The following AGMO variants were observed in gnomAD, a reference collection of about 807,000 sequenced individuals.
AGMO encodes the protein glyceryl-ether monooxygenase.
A neutral mutation model predicts 60.2 loss-of-function variants in AGMO; 75 were observed. The observed-to-expected ratio is 1.25, with a 90% confidence interval of 1.03 to 1.51. The LOEUF (loss-of-function observed/expected upper bound fraction) is 1.51, where lower values mean the gene tolerates loss of function less well. Ranked by LOEUF, AGMO falls within the 40% of genes most tolerant of loss-of-function variation. The probability of loss-of-function intolerance (pLI) is 0.00; values close to 1 mark genes in which losing one functional copy is unlikely to be tolerated. For synonymous variants in AGMO, 261 were observed against 177.1 expected (o/e 1.47, Z -3.76); for missense variants, 763 against 525.5 (o/e 1.45, Z -4.42).
At chr7:15,544,650 T>C (rs937805761) in intron 3 of AGMO, 122 bp downstream of exon 3, 1 of 860,746 alleles carries the variant, frequency 1.2e-6, no homozygotes, top group East Asian at 3.2e-5. Context: ...TTAATTTTTA[T>C]ATCCGTAAAA....
chr7:15,547,911 T>G (rs987985930), intron 2 of AGMO, among the ~76,000 whole-genome samples: 25 of 152,218 alleles, frequency 1.6e-4, no homozygotes, highest in African/African-American at 5.5e-4. Flanking sequence ...GACTTAAATG[T>G]CCCTGTCTGA....
chr7:15,507,583 A>C (rs967871156), intron 3 of AGMO, among the ~76,000 whole-genome samples: 2 of 152,162 alleles, frequency 1.3e-5, no homozygotes, highest in South Asian at 2.1e-4. Flanking sequence ...GGTTTAAAAT[A>C]AATTTAACAA....
At chr7:15,410,375 C>T (rs933042162) in intron 5 of AGMO, among the ~76,000 whole-genome samples, 8 of 151,596 alleles carry the variant, frequency 5.3e-5, no homozygotes, top group Non-Finnish European at 1.0e-4. Context: ...AATCAGTTTA[C>T]AGATCAAAAA....
At chr7:15,213,741 A>T (rs531632014) in intron 12 of AGMO, among the ~76,000 whole-genome samples, 1 of 151,980 alleles carries the variant, frequency 6.6e-6, no homozygotes, top group Non-Finnish European at 1.5e-5. Flanking sequence ...AAAATTTTAC[A>T]AAGTTAGGAT....
At chr7:15,409,528 T>G (rs1423621177) in intron 5 of AGMO, among the ~76,000 whole-genome samples, 1 of 151,902 alleles carries the variant, frequency 6.6e-6, no homozygotes, top group Non-Finnish European at 1.5e-5. Flanking sequence ...ATAAAAAATT[T>G]AGTTTTCTGA....
chr7:15,239,436 G>T (rs1782523995), intron 12 of AGMO, among the ~76,000 whole-genome samples: 1 of 152,072 alleles, frequency 6.6e-6, no homozygotes, highest in Admixed American at 6.6e-5. Flanking sequence ...GTAAAATCAT[G>T]CTGAAGAAAA....
the AGMO span, among the ~76,000 whole-genome samples, chr7:15,187,904 C>CA: frequency 2.0e-5 from 3 of 151,618 alleles, no homozygotes; most frequent in East Asian, 3.9e-4. Context: ...TTAACTCCCC[C>CA]CCGACTGCCC....
the AGMO span, among the ~76,000 whole-genome samples, chr7:15,189,595 G>A: frequency 7.6e-3 from 1,149 of 152,108 alleles, 17 homozygotes; most frequent in African/African-American, 0.026. Context: ...TTAAGGAACA[G>A]CATCTTCTTT....
chr7:15,250,652 C>T (rs1026956152), intron 12 of AGMO, among the ~76,000 whole-genome samples: 1 of 151,968 alleles, frequency 6.6e-6, no homozygotes, highest in Non-Finnish European at 1.5e-5. Context: ...GAGATGACCA[C>T]TGGAAAATAT....
chr7:15,270,335 T>C (rs2128513374), intron 12 of AGMO, among the ~76,000 whole-genome samples: 1 of 152,152 alleles, frequency 6.6e-6, no homozygotes, highest in Non-Finnish European at 1.5e-5. Flanking sequence ...TATGAGATGA[T>C]ATCATATTGA....
At chr7:15,232,361 T>C (rs774408061) in intron 12 of AGMO, among the ~76,000 whole-genome samples, 6 of 152,200 alleles carry the variant, frequency 3.9e-5, no homozygotes, top group South Asian at 2.1e-4. Flanking sequence ...AAGTAAAAGA[T>C]AGCTTTTCCC....
intron 12 of AGMO, among the ~76,000 whole-genome samples, chr7:15,342,241 A>AAGAAG (rs1276463677): frequency 6.7e-6 from 1 of 150,360 alleles, no homozygotes; most frequent in African/African-American, 2.5e-5. Flanking sequence ...TTGGGAAGAA[A>AAGAAG]AGAAGTCTCT....
the AGMO span, among the ~76,000 whole-genome samples, chr7:15,176,262 C>T: frequency 6.6e-6 from 1 of 151,900 alleles, no homozygotes; most frequent in Non-Finnish European, 1.5e-5. Context: ...CTTTGTTCCT[C>T]TTTCCTCCTC....
chr7:15,345,873 T>C (rs566048204), intron 12 of AGMO, among the ~76,000 whole-genome samples: 1 of 151,056 alleles, frequency 6.6e-6, no homozygotes, highest in Admixed American at 6.6e-5. Context: ...CCTTACAAAA[T>C]TGGTACTTAA....
intron 1 of AGMO, 73 bp from the exon 2 acceptor site, chr7:15,560,344 A>G (rs1270432275): frequency 2.0e-6 from 3 of 1,507,704 alleles, no homozygotes; most frequent in Non-Finnish European, 8.9e-7. Flanking sequence ...CTGATTAGTC[A>G]TTTCAGAATT....
intron 12 of AGMO, among the ~76,000 whole-genome samples, chr7:15,277,311 T>TAATAAATA (rs35947599): frequency 6.8e-4 from 99 of 144,984 alleles, no homozygotes; most frequent in Admixed American, 1.9e-3. Flanking sequence ...TCTCAAAAAA[T>TAATAAATA]AATAAATAAA....
At chr7:15,517,768 G>T (rs1783860571) in intron 3 of AGMO, among the ~76,000 whole-genome samples, 1 of 151,374 alleles carries the variant, frequency 6.6e-6, no homozygotes. Context: ...CTAGCTGCAG[G>T]AATTTTCCTT....
At chr7:15,540,016 G>C (rs1425950522) in intron 3 of AGMO, among the ~76,000 whole-genome samples, 1 of 152,166 alleles carries the variant, frequency 6.6e-6, no homozygotes, top group Non-Finnish European at 1.5e-5. Flanking sequence ...ATAAGGAAAA[G>C]TTAATATAAG....
chr7:15,188,495 A>G, the AGMO span, among the ~76,000 whole-genome samples: 19 of 152,232 alleles, frequency 1.2e-4, no homozygotes, highest in African/African-American at 4.6e-4. Context: ...CAATAAGGAC[A>G]TGAGTCTGTA....
Sources: gnomAD v4.1 joint callset for allele counts (sites outside exome capture counted in the v4.1 genomes callset) on GRCh38, gnomAD v4.1.1 for gene constraint, MANE v1.5 for transcripts, NCBI Gene and HGNC (gene_info 2026-07-23, HGNC 2026-07-21) for gene names.